The following IL23R variants were observed in gnomAD, a reference collection of about 807,000 sequenced individuals.
The protein encoded by IL23R is interleukin 23 receptor, also known as interleukin-23 receptor.
Under a neutral mutation model 56.9 loss-of-function variants are expected in IL23R, and 34 were observed. That is an observed-to-expected ratio of 0.60 (90% CI 0.45 to 0.80). The LOEUF is 0.80. IL23R is among the 30% of genes least tolerant of loss of function. The pLI, the probability that IL23R is intolerant of heterozygous loss-of-function variation, is 0.00. For missense variants in IL23R, 635 were observed against 730.0 expected, an observed-to-expected ratio of 0.87 and a Z score of 1.50; for synonymous variants, 230 against 249.2, an observed-to-expected ratio of 0.92 and a Z score of 0.73.
intron 4 of IL23R, among the ~76,000 whole-genome samples, chr1:67,198,760 C>A (rs1648373175): frequency 6.6e-6 from 1 of 152,308 alleles, no homozygotes; most frequent in Middle Eastern, 3.4e-3. Flanking sequence ...GCCTGGGTAT[C>A]ATGGGAAAAC....
chr1:67,236,340 A>G (rs537649261), intron 7 of IL23R, among the ~76,000 whole-genome samples: 1 of 152,324 alleles, frequency 6.6e-6, no homozygotes, highest in African/African-American at 2.4e-5. Flanking sequence ...TCTGAACCTT[A>G]TTGCACCATC....
chr1:67,235,887 A>G (rs2100309128), intron 7 of IL23R, among the ~76,000 whole-genome samples: 1 of 152,350 alleles, frequency 6.6e-6, no homozygotes, highest in South Asian at 2.1e-4. Flanking sequence ...CACTGAAATC[A>G]GAGTGACGGA....
At chr1:67,246,118 C>G (rs1053719777) in intron 9 of IL23R, among the ~76,000 whole-genome samples, 1 of 152,230 alleles carries the variant, frequency 6.6e-6, no homozygotes, top group African/African-American at 2.4e-5. Flanking sequence ...ATAGTATTCT[C>G]TGATGATAGT....
chr1:67,230,771 G>A (rs933406536), intron 7 of IL23R, among the ~76,000 whole-genome samples: 4 of 152,078 alleles, frequency 2.6e-5, no homozygotes, highest in Non-Finnish European at 4.4e-5. Flanking sequence ...CTGACACACC[G>A]TTTTCCCTGC....
chr1:67,244,524 T>G (rs1652078692), intron 9 of IL23R, among the ~76,000 whole-genome samples: 1 of 152,154 alleles, frequency 6.6e-6, no homozygotes, highest in Non-Finnish European at 1.5e-5. Context: ...TTCAGCCTTA[T>G]GCATATGGCT....
rs201489234 is a variant in IL23R, at chr1:67,208,273, T to TG, written c.798+1225dup. Among the ~76,000 whole-genome samples the TG allele has an allele frequency of 7.8e-3, 1,187 of 152,256 alleles. 16 individuals are homozygous for TG. Among genetic ancestry groups the TG allele is most frequent in the African/African-American group, 0.027 (1,123 of 41,532 alleles). Reference sequence around the variant, plus strand: ...TGCAATAGAAAAGAAAAACCCATTCTGGGGGGGAGAAATTCAAGCCAGCTG... The same window carrying TG: ...TGCAATAGAAAAGAAAAACCCATTCTGGGGGGGGAGAAATTCAAGCCAGCTG... On this transcript the variant is annotated intron_variant, in intron 6 of 10. Coordinates refer to ENST00000347310, the MANE Select transcript of IL23R (RefSeq NM_144701.3).
intron 6 of IL23R, among the ~76,000 whole-genome samples, chr1:67,209,559 T>C (rs1057326066): frequency 4.1e-4 from 62 of 152,326 alleles, no homozygotes; most frequent in African/African-American, 1.4e-3. Context: ...GCTGCTGCCA[T>C]GTTAAGTAGT....
intron 1 of IL23R, among the ~76,000 whole-genome samples, chr1:67,148,370 C>G (rs1646700753): frequency 6.6e-6 from 1 of 152,234 alleles, no homozygotes; most frequent in African/African-American, 2.4e-5. Flanking sequence ...GGGGGTTTCC[C>G]CTGCCCGCTC....
Position 67,247,312 on chromosome 1 carries a change from T to C in IL23R, c.1148+7031T>C, listed in dbSNP as rs149217392. On this transcript the variant is annotated intron_variant, in intron 9 of 10. Coordinates refer to ENST00000347310, the MANE Select transcript of IL23R (RefSeq NM_144701.3). Reference sequence around the variant, plus strand: ...GGGGCATTTAGCCCATTTACTTTTTTTTTTTTTTTGAGATGGAGTTTCACT... The same window carrying C: ...GGGGCATTTAGCCCATTTACTTTTTCTTTTTTTTTGAGATGGAGTTTCACT... Among the ~76,000 whole-genome samples the C allele has an allele frequency of 7.2e-3, 1,092 of 152,102 alleles. 19 individuals are homozygous for C. Among genetic ancestry groups the C allele is most frequent in the African/African-American group, 0.025 (1,037 of 41,510 alleles).
At position 67,258,627 on chromosome 1, in the gene IL23R, C is replaced by T. The variant is rs1653080193; in HGVS notation, c.1389C>T (p.Tyr463=). Residue 463 remains tyrosine, a synonymous_variant, in exon 11 of 11, where the codon TAC becomes TAT. Coordinates refer to ENST00000347310, the MANE Select transcript of IL23R (RefSeq NM_144701.3). ...ENTGPLETRD[Y]PQNSLFDNTT... ...CAGGACCCCTGGAGACAAGAGACTA[C>T]CCGCAAAACTCGCTATTCGACAATA... 2 of 1,613,874 alleles carry T rather than the reference C, an allele frequency of 1.2e-6. No individual in the cohort carries two copies. The highest frequency in any genetic ancestry group is 1.7e-6 in the Non-Finnish European group (2 of 1,179,924).
At chr1:67,253,750 A>C (rs1010730531) in intron 9 of IL23R, among the ~76,000 whole-genome samples, 5 of 152,164 alleles carry the variant, frequency 3.3e-5, no homozygotes, top group Non-Finnish European at 7.3e-5. Flanking sequence ...GTTCAAATTA[A>C]TACCCCATAA....
intron 7 of IL23R, among the ~76,000 whole-genome samples, chr1:67,224,282 T>A (rs1320312380): frequency 1.3e-5 from 2 of 152,232 alleles, no homozygotes; most frequent in Admixed American, 1.3e-4. Context: ...TAAAATGATA[T>A]CATTTCTGTA....
intron 4 of IL23R, among the ~76,000 whole-genome samples, chr1:67,194,250 C>G (rs1348220479): frequency 6.6e-6 from 1 of 151,660 alleles, no homozygotes; most frequent in Non-Finnish European, 1.5e-5. Context: ...TCATTCAGCC[C>G]TTCTCTCTTC....
intron 5 of IL23R, among the ~76,000 whole-genome samples, chr1:67,202,871 G>A (rs545802356): frequency 3.4e-4 from 52 of 152,180 alleles, no homozygotes; most frequent in African/African-American, 1.2e-3. Context: ...CACCATGACC[G>A]GCCTGAATAT....
At chr1:67,261,777 C>G (rs1186600652), downstream of IL23R, among the ~76,000 whole-genome samples, 1 of 152,202 alleles carries the variant, frequency 6.6e-6, no homozygotes, top group Non-Finnish European at 1.5e-5. Flanking sequence ...TAATTGTAAT[C>G]TATCACACAT....
At chr1:67,250,998 T>G (rs1652569936) in intron 9 of IL23R, among the ~76,000 whole-genome samples, 2 of 152,196 alleles carry the variant, frequency 1.3e-5, no homozygotes, top group African/African-American at 4.8e-5. Flanking sequence ...ACAGGATCAG[T>G]GGCACCTTCT....
intron 5 of IL23R, among the ~76,000 whole-genome samples, chr1:67,205,163 G>A (rs1648916011): frequency 6.6e-6 from 1 of 152,202 alleles, no homozygotes; most frequent in Non-Finnish European, 1.5e-5. Flanking sequence ...GTTGAGTACA[G>A]TAAACTTGTT....
intron 7 of IL23R, among the ~76,000 whole-genome samples, chr1:67,221,079 C>G (rs919694556): frequency 1.3e-5 from 2 of 151,928 alleles, no homozygotes; most frequent in African/African-American, 2.4e-5. Context: ...CCAGCACTTT[C>G]AGAGGCGGAG....
intron 3 of IL23R, among the ~76,000 whole-genome samples, chr1:67,173,583 T>A (rs1382702006): frequency 6.6e-6 from 1 of 152,206 alleles, no homozygotes; most frequent in Non-Finnish European, 1.5e-5. Context: ...GAGCCCAGTT[T>A]CTCTCCATTG....
Sources: gnomAD v4.1 joint callset for allele counts (sites outside exome capture counted in the v4.1 genomes callset) on GRCh38, gnomAD v4.1.1 for gene constraint, MANE v1.5 for transcripts, NCBI Gene and HGNC (gene_info 2026-07-23, HGNC 2026-07-21) for gene names.